OSBP2: variants seen among roughly 807,000 people sequenced by gnomAD.
The protein encoded by OSBP2 is oxysterol-binding protein 2.
A neutral mutation model predicts 96.0 loss-of-function variants in OSBP2; 66 were observed. The ratio of observed to expected loss-of-function variants is 0.69; its 90% CI spans 0.56 to 0.84. The LOEUF is 0.84. OSBP2 is among the 40% of genes least tolerant of loss of function. The pLI is 0.00. For missense variants in OSBP2, 1,038 were observed against 1,222.7 expected (o/e 0.85, Z 2.25); for synonymous variants, 525 against 520.9 (o/e 1.01, Z -0.11).
At chr22:30,876,526 C>T (rs751250498) in intron 3 of OSBP2, among the ~76,000 whole-genome samples, 4 of 152,244 alleles carry the variant, frequency 2.6e-5, no homozygotes, top group Non-Finnish European at 5.9e-5. Flanking sequence ...GGGGTTCACA[C>T]GATTCCTGAG....
intron 4 of OSBP2, 35 bp downstream of exon 4, chr22:30,887,653 C>A (rs890478871): frequency 2.0e-6 from 3 of 1,519,688 alleles, no homozygotes; most frequent in Non-Finnish European, 2.7e-6. Context: ...TGTCCCATGA[C>A]CTTCTGCCAG....
chr22:30,883,744 G>C (rs577733212), intron 3 of OSBP2, among the ~76,000 whole-genome samples: 1 of 152,236 alleles, frequency 6.6e-6, no homozygotes, highest in African/African-American at 2.4e-5. Flanking sequence ...CTTCTGTAAG[G>C]GTCTGGAACA....
chr22:30,815,243 G>T (rs923389531), intron 2 of OSBP2, among the ~76,000 whole-genome samples: 1 of 152,148 alleles, frequency 6.6e-6, no homozygotes, highest in Non-Finnish European at 1.5e-5. Flanking sequence ...TGATCATGCC[G>T]CTGTACTCCA....
At chr22:30,728,417 A>C (rs1199438065) in intron 1 of OSBP2, among the ~76,000 whole-genome samples, 1 of 151,928 alleles carries the variant, frequency 6.6e-6, no homozygotes, top group African/African-American at 2.4e-5. Context: ...AAAATACAAA[A>C]ATTAGCTGGG....
At position 30,889,547 on chromosome 22, in the gene OSBP2, C is replaced by A. The variant is rs1341165965; in HGVS notation, c.1534C>A (p.Arg512Ser). Residue 512 changes from arginine (R) to serine (S), a missense_variant, in exon 7 of 14, where the codon CGC becomes AGC. Physicochemically the swap from Arg to Ser is moderately radical, Grantham distance 110 (BLOSUM62 -1). Coordinates refer to ENST00000332585, the MANE Select transcript of OSBP2 (RefSeq NM_030758.4). ...KGSSKVKRRV[R>S]IPNKPNYSLN... Reference sequence around the variant, plus strand: ...TTCATCCAAAGTCAAGAGGCGAGTCCGCATTCCCAACAAGCCCAACTACAG... The same window carrying A: ...TTCATCCAAAGTCAAGAGGCGAGTCAGCATTCCCAACAAGCCCAACTACAG... 6.2e-7 allele frequency: 1 copy of A among 1,613,930 alleles called. No individual in the cohort carries two copies. The highest frequency in any genetic ancestry group is 8.5e-7 in the Non-Finnish European group (1 of 1,179,994).
chr22:30,774,740 A>G (rs1035457265), intron 2 of OSBP2, among the ~76,000 whole-genome samples: 3 of 152,184 alleles, frequency 2.0e-5, no homozygotes, highest in Non-Finnish European at 2.9e-5. Context: ...AAACTTGACA[A>G]TATGTTGTGG....
intron 2 of OSBP2, among the ~76,000 whole-genome samples, chr22:30,857,435 G>A (rs1329814168): frequency 2.6e-5 from 4 of 152,236 alleles, no homozygotes; most frequent in Admixed American, 1.3e-4. Flanking sequence ...TCTCTGCAGC[G>A]CATTTGGGTG....
intron 1 of OSBP2, among the ~76,000 whole-genome samples, chr22:30,727,910 T>G (rs886705244): frequency 9.3e-5 from 14 of 150,844 alleles, no homozygotes; most frequent in African/African-American, 2.9e-4. Flanking sequence ...ATCAAGACCA[T>G]CCTGGCCAAC....
At chr22:30,898,694 ACCCGGT>A in intron 12 of OSBP2, among the ~76,000 whole-genome samples, 1 of 151,388 alleles carries the variant, frequency 6.6e-6, no homozygotes, top group Non-Finnish European at 1.5e-5. Context: ...ATCACCTCCC[ACCCGGT>A]CCCTCCCCTG....
At chr22:30,820,155 G>T (rs1040987807) in intron 2 of OSBP2, among the ~76,000 whole-genome samples, 4 of 152,162 alleles carry the variant, frequency 2.6e-5, no homozygotes, top group Admixed American at 6.5e-5. Context: ...CGAGGTAGGA[G>T]GACTGCTTGA....
At chr22:30,811,316 T>A (rs969998656) in intron 2 of OSBP2, among the ~76,000 whole-genome samples, 1 of 141,188 alleles carries the variant, frequency 7.1e-6, no homozygotes, top group Non-Finnish European at 1.5e-5. Context: ...GATTTTATTT[T>A]TTTTATTTTT....
intron 12 of OSBP2, among the ~76,000 whole-genome samples, chr22:30,900,713 T>C (rs1353626946): frequency 6.6e-6 from 1 of 152,124 alleles, no homozygotes; most frequent in African/African-American, 2.4e-5. Flanking sequence ...TGAATCCCTA[T>C]GGAAAAAGAT....
chr22:30,861,014 C>T (rs2039200341), intron 2 of OSBP2, among the ~76,000 whole-genome samples: 1 of 152,188 alleles, frequency 6.6e-6, no homozygotes, highest in Non-Finnish European at 1.5e-5. Context: ...TCTCATGTGC[C>T]TCTATTGTTC....
intron 2 of OSBP2, among the ~76,000 whole-genome samples, chr22:30,853,695 C>T (rs1411754953): frequency 6.6e-6 from 1 of 151,520 alleles, no homozygotes; most frequent in Non-Finnish European, 1.5e-5. Context: ...CACTTTTTTC[C>T]TCCATTCCTG....
chr22:30,832,745 C>G (rs1041682190), intron 2 of OSBP2, among the ~76,000 whole-genome samples: 1 of 152,124 alleles, frequency 6.6e-6, no homozygotes, highest in Non-Finnish European at 1.5e-5. Context: ...CAGGGGCCTC[C>G]GAAACATGCT....
intron 2 of OSBP2, among the ~76,000 whole-genome samples, chr22:30,852,485 T>A (rs1415619457): frequency 6.6e-6 from 1 of 152,028 alleles, no homozygotes; most frequent in Non-Finnish European, 1.5e-5. Flanking sequence ...TCAATAATAA[T>A]GTTCCTTCTT....
At chr22:30,819,562 CT>C (rs2091122718) in intron 2 of OSBP2, among the ~76,000 whole-genome samples, 2 of 152,192 alleles carry the variant, frequency 1.3e-5, no homozygotes, top group African/African-American at 4.8e-5. Flanking sequence ...AGTTGGCACC[CT>C]TCTGGCTGCC....
intron 2 of OSBP2, among the ~76,000 whole-genome samples, chr22:30,843,453 C>CCCCG: frequency 6.7e-6 from 1 of 148,422 alleles, no homozygotes; most frequent in South Asian, 2.2e-4. Flanking sequence ...TTCCCCCCTC[C>CCCCG]CCCTTGAGCA....
chr22:30,726,258 A>T (rs770541226), intron 1 of OSBP2, among the ~76,000 whole-genome samples: 1 of 152,230 alleles, frequency 6.6e-6, no homozygotes, highest in Non-Finnish European at 1.5e-5. Context: ...GATAGACTGG[A>T]TAAAGAAAAT....
Sources: gnomAD v4.1 joint callset for allele counts (sites outside exome capture counted in the v4.1 genomes callset) on GRCh38, gnomAD v4.1.1 for gene constraint, MANE v1.5 for transcripts, NCBI Gene and HGNC (gene_info 2026-07-23, HGNC 2026-07-21) for gene names.